Variants in ASB5 observed in about 807,000 individuals in gnomAD.
ASB5 encodes the protein ankyrin repeat and SOCS box containing 5, also known as ankyrin repeat and SOCS box protein 5.
Under a neutral mutation model 42.1 loss-of-function variants are expected in ASB5, and 45 were observed. The ratio of observed to expected loss-of-function variants is 1.07; its 90% CI spans 0.84 to 1.37. ASB5 has a LOEUF of 1.37. ASB5 is among the 40% of genes most tolerant of loss of function. ASB5 has a pLI of 0.00. For synonymous variants in ASB5, 147 were observed against 150.6 expected, an observed-to-expected ratio of 0.98 and a Z score of 0.18; for missense variants, 402 against 399.8, an observed-to-expected ratio of 1.01 and a Z score of -0.05.
Position 176,268,897 on chromosome 4 carries a change from A to T in ASB5, c.196+16T>A. 6.4e-7 allele frequency: 1 copy of T among 1,553,144 alleles called. No individual in the cohort carries two copies. Among genetic ancestry groups the T allele is most frequent in the Non-Finnish European group, 8.7e-7 (1 of 1,148,186 alleles). ...TAAACTCCACTTGAAACAAGAGAGG[A>T]TTATCATAAACATACCTTGTCCTTG... On this transcript the variant is annotated intron_variant, in intron 1 of 6. Transcript: ENST00000296525.
intron 1 of ASB5, among the ~76,000 whole-genome samples, chr4:176,267,026 T>C (rs1209630651): frequency 6.6e-6 from 1 of 152,162 alleles, no homozygotes; most frequent in African/African-American, 2.4e-5. Flanking sequence ...TTCCATGGCC[T>C]CCTCTAAAAC....
At chr4:176,255,053 C>T (rs1754127535) in intron 1 of ASB5, among the ~76,000 whole-genome samples, 1 of 152,132 alleles carries the variant, frequency 6.6e-6, no homozygotes, top group African/African-American at 2.4e-5. Flanking sequence ...TCACTTGAAC[C>T]CGGAAGGTGG....
At chr4:176,234,581 T>C (rs1293776759) in intron 1 of ASB5, among the ~76,000 whole-genome samples, 3 of 152,198 alleles carry the variant, frequency 2.0e-5, no homozygotes, top group Non-Finnish European at 4.4e-5. Flanking sequence ...CGAGACTCAG[T>C]TGATTTCATT....
Position 176,214,441 on chromosome 4 carries a change from A to G in ASB5, c.*1159T>C, listed in dbSNP as rs192307118. 15 of 152,240 alleles carry G rather than the reference A, an allele frequency of 9.9e-5. No homozygotes were observed. The highest frequency in any genetic ancestry group is 3.6e-4 in the African/African-American group (15 of 41,570). 9.4% of individuals were successfully genotyped at this position (152,240 alleles called of 1,614,324 possible). A position where few individuals can be genotyped will look rare whatever the true frequency, so the allele number is the denominator to read the frequency against. ...TTTATTAAGTTTTTTATTGCACTCA[A>G]GTATAGTTAAAGCTGAAGAGAATAA... On this transcript the variant is annotated 3_prime_UTR_variant, in exon 7 of 7. Transcript: ENST00000296525.
At chr4:176,243,204 T>C (rs1464103769) in intron 1 of ASB5, among the ~76,000 whole-genome samples, 9 of 152,186 alleles carry the variant, frequency 5.9e-5, no homozygotes, top group Admixed American at 4.6e-4. Flanking sequence ...GTCCTGTGTA[T>C]ACTTAACTCT....
At position 176,265,220 on chromosome 4, in the gene ASB5, T is replaced by C. The variant is rs117686270; in HGVS notation, c.196+3693A>G. On this transcript the variant is annotated intron_variant, in intron 1 of 6. Coordinates refer to ENST00000296525, the MANE Select transcript of ASB5 (RefSeq NM_080874.4). The stretch of plus-strand genomic sequence containing the variant: ...TGTTACTTTTCTACTGCATGAACTC[T>C]CCACTCCAGCCAAATCTACTGACTC... 2.8e-4 allele frequency among the ~76,000 whole-genome samples: 42 copies of C among 152,270 alleles called. No individual in the cohort carries two copies. In the East Asian group the frequency reaches 6.8e-3, roughly 24 times the overall value.
At chr4:176,269,705 G>C (rs181231877), upstream of ASB5, among the ~76,000 whole-genome samples, 2 of 152,024 alleles carry the variant, frequency 1.3e-5, no homozygotes, top group Non-Finnish European at 2.9e-5. Flanking sequence ...AACTTAACAC[G>C]GTTCCTTCAT....
chr4:176,234,009 C>T (rs1038729603), intron 1 of ASB5, among the ~76,000 whole-genome samples: 5 of 152,106 alleles, frequency 3.3e-5, no homozygotes, highest in African/African-American at 1.2e-4. Flanking sequence ...AGTCATTTTG[C>T]CTCTATCATT....
intron 1 of ASB5, among the ~76,000 whole-genome samples, chr4:176,267,055 A>T (rs1283417747): frequency 6.6e-6 from 1 of 152,106 alleles, no homozygotes; most frequent in Non-Finnish European, 1.5e-5. Flanking sequence ...ACCCACAAAA[A>T]TGTTTCTTCT....
At chr4:176,230,456 T>A (rs1318881224) in intron 1 of ASB5, among the ~76,000 whole-genome samples, 2 of 152,186 alleles carry the variant, frequency 1.3e-5, no homozygotes, top group Admixed American at 1.3e-4. Flanking sequence ...AAGAAGTAAT[T>A]TCTAGAACAT....
chr4:176,238,728 G>C (rs971842529), intron 1 of ASB5, among the ~76,000 whole-genome samples: 2 of 151,880 alleles, frequency 1.3e-5, no homozygotes, highest in African/African-American at 4.8e-5. Flanking sequence ...TGGGGTTATT[G>C]TCTTCATGTA....
upstream of ASB5, among the ~76,000 whole-genome samples, chr4:176,271,874 T>G (rs942716389): frequency 3.3e-5 from 5 of 152,172 alleles, no homozygotes; most frequent in African/African-American, 1.2e-4. Context: ...CCTCTAAAAT[T>G]TTCTATTTTT....
At chr4:176,233,515 T>C (rs11733141) in intron 1 of ASB5, among the ~76,000 whole-genome samples, 23,912 of 152,172 alleles carry the variant, frequency 0.16, 2,485 homozygotes, top group Middle Eastern at 0.29. Flanking sequence ...TTAAACAGTG[T>C]TACCATTTCC....
At chr4:176,227,848 C>T (rs1237254297) in intron 1 of ASB5, among the ~76,000 whole-genome samples, 1 of 152,166 alleles carries the variant, frequency 6.6e-6, no homozygotes, top group Admixed American at 6.5e-5. Context: ...GTGGTAACAG[C>T]ATACATCTCT....
chr4:176,251,986 A>T (rs565175874), intron 1 of ASB5, among the ~76,000 whole-genome samples: 1 of 144,652 alleles, frequency 6.9e-6, no homozygotes, highest in East Asian at 2.3e-4. Flanking sequence ...GGATGGATTG[A>T]GTCCAGGACC....
At chr4:176,242,786 T>C (rs1395833584) in intron 1 of ASB5, among the ~76,000 whole-genome samples, 3 of 152,206 alleles carry the variant, frequency 2.0e-5, no homozygotes, top group African/African-American at 2.4e-5. Context: ...TTTTATTCTT[T>C]ACATAATTTT....
At chr4:176,235,792 CTT>C (rs368926557) in intron 1 of ASB5, among the ~76,000 whole-genome samples, 15 of 145,400 alleles carry the variant, frequency 1.0e-4, no homozygotes, top group Admixed American at 6.2e-4. Context: ...TAAGACTTGT[CTT>C]TTTTTTTTTT....
chr4:176,236,958 A>T (rs901066183), intron 1 of ASB5, among the ~76,000 whole-genome samples: 2 of 152,168 alleles, frequency 1.3e-5, no homozygotes, highest in African/African-American at 4.8e-5. Context: ...ATGATTTAAA[A>T]TTTCCATATT....
At chr4:176,258,167 C>T (rs558309450) in intron 1 of ASB5, among the ~76,000 whole-genome samples, 2 of 152,158 alleles carry the variant, frequency 1.3e-5, no homozygotes, top group Non-Finnish European at 1.5e-5. Flanking sequence ...GTTGACTTTA[C>T]GCCAGACACT....
Sources: allele counts gnomAD v4.1 joint callset (sites outside exome capture counted in the v4.1 genomes callset), GRCh38; gene constraint gnomAD v4.1.1; transcripts MANE v1.5; gene names NCBI Gene and HGNC (gene_info 2026-07-23, HGNC 2026-07-21).